FYN: variants seen among roughly 807,000 people sequenced by gnomAD.
FYN encodes FYN proto-oncogene, Src family tyrosine kinase.
Under a neutral mutation model 70.2 loss-of-function variants are expected in FYN, and 10 were observed. The observed-to-expected ratio is 0.14, with a 90% CI of 0.09 to 0.24. The LOEUF (loss-of-function observed/expected upper bound fraction) is 0.24, where lower values mean the gene tolerates loss of function less well. FYN is among the 10% of genes least tolerant of loss of function. FYN has a pLI of 1.00. For synonymous variants in FYN, 236 were observed against 248.6 expected (o/e 0.95, Z 0.48); for missense variants, 319 against 673.1 (o/e 0.47, Z 5.82).
At chr6:111,748,076 T>C (rs1284165309) in intron 3 of FYN, among the ~76,000 whole-genome samples, 1 of 152,212 alleles carries the variant, frequency 6.6e-6, no homozygotes, top group African/African-American at 2.4e-5. Flanking sequence ...TCCTCTTTGA[T>C]CTCCTTCCTT....
chr6:111,700,348 C>G lies in FYN; in HGVS notation c.698-80G>C, dbSNP rs972431792. 2.1e-6 allele frequency: 3 copies of G among 1,446,626 alleles called. No individual in the cohort carries two copies. The Admixed American group carries it at 5.3e-5, about 26-fold the overall frequency. The allele number at this position is 1,446,626 out of a possible 1,614,324, so 89.6% of individuals were successfully genotyped here. On this transcript the variant is annotated intron_variant, in intron 8 of 13. Transcript: ENST00000354650. ...GACAACACTCATAAGTGTAAACCCA[C>G]ACTAGCGGCGCACAGTGCTCCTCAA... is the stretch of plus-strand genomic sequence containing the variant.
intron 1 of FYN, among the ~76,000 whole-genome samples, chr6:111,861,000 A>G (rs756074145): frequency 1.3e-5 from 2 of 152,362 alleles, no homozygotes; most frequent in East Asian, 1.9e-4. Flanking sequence ...GAGGCAGAAC[A>G]TAAGGGGGAA....
intron 5 of FYN, chr6:111,708,799 T>C (rs2128451740): frequency 6.6e-6 from 1 of 152,386 alleles, no homozygotes; most frequent in African/African-American, 2.4e-5. Flanking sequence ...TGTACTGCCT[T>C]AGGCTCCATG....
chr6:111,735,260 G>C (rs1257436346), intron 3 of FYN, among the ~76,000 whole-genome samples: 1 of 152,210 alleles, frequency 6.6e-6, no homozygotes, highest in Non-Finnish European at 1.5e-5. Context: ...CTGCTCAAAA[G>C]GAGCTTATAG....
At chr6:111,712,667 G>A (rs1025240539) in intron 5 of FYN, among the ~76,000 whole-genome samples, 1 of 152,184 alleles carries the variant, frequency 6.6e-6, no homozygotes, top group Non-Finnish European at 1.5e-5. Flanking sequence ...AAGAATGCAT[G>A]AGAATGTTTG....
chr6:111,763,308 G>A (rs182784022), intron 3 of FYN, among the ~76,000 whole-genome samples: 24 of 152,342 alleles, frequency 1.6e-4, no homozygotes, highest in African/African-American at 5.8e-4. Flanking sequence ...AGGACCCCCT[G>A]AAGCTATGTC....
intron 3 of FYN, among the ~76,000 whole-genome samples, chr6:111,753,292 C>G (rs920656881): frequency 2.0e-5 from 3 of 151,958 alleles, no homozygotes; most frequent in Non-Finnish European, 2.9e-5. Context: ...ATGCATTATC[C>G]AAAAAGGCCT....
chr6:111,737,922 A>G (rs1010349171), intron 3 of FYN, among the ~76,000 whole-genome samples: 3 of 152,134 alleles, frequency 2.0e-5, no homozygotes, highest in Non-Finnish European at 4.4e-5. Flanking sequence ...ATTTTCCCAT[A>G]AAAAAACAAA....
intron 12 of FYN, among the ~76,000 whole-genome samples, chr6:111,693,151 T>A (rs1326570168): frequency 2.0e-5 from 3 of 152,176 alleles, no homozygotes; most frequent in Non-Finnish European, 4.4e-5. Flanking sequence ...CTGCTAAGAA[T>A]GCTTCCATTC....
At chr6:111,811,791 GC>G (rs907038651) in intron 2 of FYN, among the ~76,000 whole-genome samples, 3 of 152,174 alleles carry the variant, frequency 2.0e-5, no homozygotes, top group Non-Finnish European at 4.4e-5. Context: ...AGAAGGTATT[GC>G]TAGTCAGCTG....
rs1026772405 is a variant in FYN, at chr6:111,794,132, G to A, written c.-81-13497C>T. Among the ~76,000 whole-genome samples the A allele has an allele frequency of 2.0e-5, 3 of 152,326 alleles. No individual in the cohort carries two copies. The East Asian group carries it at 5.8e-4, about 29-fold the overall frequency. The stretch of plus-strand genomic sequence containing the variant: ...TCCTCCATCCGCCATGAGGACACCC[G>A]GGCCTTTCTTTGGTCACTCTGTTTC... On this transcript the variant is annotated intron_variant, in intron 2 of 13. Coordinates refer to ENST00000354650, the MANE Select transcript of FYN (RefSeq NM_002037.5).
intron 1 of FYN, among the ~76,000 whole-genome samples, chr6:111,852,117 C>T (rs534459931): frequency 6.6e-6 from 1 of 152,258 alleles, no homozygotes; most frequent in Admixed American, 6.5e-5. Context: ...TATCTGCTCA[C>T]CACTGGGGAT....
At chr6:111,838,627 G>C in intron 2 of FYN, among the ~76,000 whole-genome samples, 1 of 152,206 alleles carries the variant, frequency 6.6e-6, no homozygotes, top group East Asian at 1.9e-4. Flanking sequence ...ATAATTCACA[G>C]TTGAAAGGAG....
At chr6:111,685,654 G>C (rs941712738) in intron 12 of FYN, among the ~76,000 whole-genome samples, 1 of 152,200 alleles carries the variant, frequency 6.6e-6, no homozygotes, top group Non-Finnish European at 1.5e-5. Context: ...TGACATTTTT[G>C]ATGTTTGATG....
At chr6:111,739,970 C>T (rs146725444) in intron 3 of FYN, among the ~76,000 whole-genome samples, 1,717 of 152,156 alleles carry the variant, frequency 0.011, 20 homozygotes, top group South Asian at 0.038. Flanking sequence ...ATTACAGATG[C>T]CTGCCACCAC....
intron 1 of FYN, among the ~76,000 whole-genome samples, chr6:111,871,102 T>C (rs1207853240): frequency 6.6e-6 from 1 of 152,262 alleles, no homozygotes; most frequent in African/African-American, 2.4e-5. Flanking sequence ...GCCATACTTT[T>C]AGGAAAGAAC....
intron 13 of FYN, among the ~76,000 whole-genome samples, chr6:111,668,130 G>A (rs1365729505): frequency 6.6e-6 from 1 of 152,228 alleles, no homozygotes; most frequent in African/African-American, 2.4e-5. Context: ...GGTGTTAATG[G>A]TGCTTGCTCA....
At chr6:111,851,147 GAAGACTC>G (rs1773675046) in intron 1 of FYN, among the ~76,000 whole-genome samples, 1 of 152,064 alleles carries the variant, frequency 6.6e-6, no homozygotes, top group South Asian at 2.1e-4. Flanking sequence ...GCATCTAGGG[GAAGACTC>G]TAGTCTAGTA....
At position 111,702,009 on chromosome 6, in the gene FYN, T is replaced by C. The variant is rs1012025456; in HGVS notation, c.697+876A>G. On this transcript the variant is annotated intron_variant, in intron 8 of 13. Transcript: ENST00000354650. ...AGAGCAATAGTAGAGGTAAATCATA[T>C]ACTATTTTTGAGTCTTGCCTTTGTC... is the stretch of plus-strand genomic sequence containing the variant. 2.0e-5 allele frequency among the ~76,000 whole-genome samples: 3 copies of C among 152,248 alleles called. No individual in the cohort carries two copies. In the East Asian group the frequency reaches 5.8e-4, roughly 29 times the overall value.
Sources: gnomAD v4.1 joint callset for allele counts (sites outside exome capture counted in the v4.1 genomes callset) on GRCh38, gnomAD v4.1.1 for gene constraint, MANE v1.5 for transcripts, NCBI Gene and HGNC (gene_info 2026-07-23, HGNC 2026-07-21) for gene names.